Variants in CDC123 observed in about 807,000 individuals in gnomAD.
The protein encoded by CDC123 is translation initiation factor eIF2 assembly protein.
A neutral mutation model predicts 54.4 loss-of-function variants in CDC123; 37 were observed. The observed-to-expected ratio is 0.68, with a 90% CI of 0.52 to 0.89. CDC123 has a LOEUF of 0.89. CDC123 is among the 40% of genes least tolerant of loss of function. The pLI, the probability that CDC123 is intolerant of heterozygous loss-of-function variation, is 0.00. For missense variants in CDC123, 361 were observed against 412.1 expected, an observed-to-expected ratio of 0.88 and a Z score of 1.07; for synonymous variants, 144 against 136.8, an observed-to-expected ratio of 1.05 and a Z score of -0.37.
chr10:12,213,897 A>G (rs1408727180), intron 4 of CDC123, among the ~76,000 whole-genome samples: 1 of 152,232 alleles, frequency 6.6e-6, no homozygotes, highest in African/African-American at 2.4e-5. Context: ...CAGATGAGAT[A>G]GAAATTGCCT....
In CDC123 at chr10:12,237,271, G is replaced by A. The variant is rs369658888; in HGVS notation, c.688+5G>A. On this transcript the variant is annotated splice_donor_5th_base_variant and intron_variant, in intron 9 of 12. Transcript: ENST00000281141. Reference sequence around the variant, plus strand: ...ACAAATTCTTAGATGAAGACTGTGAGTATTTTTTTATTGATCCAGTAAAAT... The same window carrying A: ...ACAAATTCTTAGATGAAGACTGTGAATATTTTTTTATTGATCCAGTAAAAT... The A allele has an allele frequency of 6.5e-7, 1 of 1,532,854 alleles. No homozygotes were observed. The highest frequency in any genetic ancestry group is 8.7e-7 in the Non-Finnish European group (1 of 1,146,976). 95.0% of individuals were successfully genotyped at this position (1,532,854 alleles called of 1,614,324 possible).
At chr10:12,224,201 T>TA (rs570026616) in intron 6 of CDC123, among the ~76,000 whole-genome samples, 3,278 of 141,324 alleles carry the variant, frequency 0.023, 104 homozygotes, top group African/African-American at 0.076. Context: ...TTTTGTTCCT[T>TA]AAAAAAAAAA....
chr10:12,232,392 A>C (rs937494726), intron 7 of CDC123, among the ~76,000 whole-genome samples: 1 of 152,038 alleles, frequency 6.6e-6, no homozygotes, highest in African/African-American at 2.4e-5. Flanking sequence ...GTTTGCTTCT[A>C]GCTACTTTTT....
Position 12,210,020 on chromosome 10 carries a change from T to C in CDC123, c.200T>C (p.Ile67Thr), listed in dbSNP as rs1196969500. 6.2e-7 allele frequency: 1 copy of C among 1,613,928 alleles called. No homozygotes were observed. The highest frequency in any genetic ancestry group is 1.3e-5 in the African/African-American group (1 of 74,928). ...QPDSDDEAEE[I>T]QWSDDENTAT... ...GACAGTGATGATGAAGCAGAAGAAA[T>C]ACAGGTTGGTACCAAATAAAATAAT... Residue 67 changes from isoleucine (I) to threonine (T), a missense_variant, in exon 3 of 13, where the codon ATA (isoleucine) becomes ACA (threonine). Transcript: ENST00000281141.
At chr10:12,202,306 T>G (rs1028698280) in intron 2 of CDC123, among the ~76,000 whole-genome samples, 1 of 152,170 alleles carries the variant, frequency 6.6e-6, no homozygotes, top group Admixed American at 6.5e-5. Flanking sequence ...GAATTTCGTA[T>G]AAGTGGAGTT....
At position 12,198,790 on chromosome 10, in the gene CDC123, GAAA is replaced by G; in HGVS notation, c.146+19_146+21del. The G allele has an allele frequency of 6.9e-7, 1 of 1,451,170 alleles. No homozygotes were observed. 89.9% of individuals were successfully genotyped at this position (1,451,170 alleles called of 1,614,324 possible). ...GGTTTCAGGAAGGTAAAGTATTTTA[GAAA>G]AAAATTTCTTAAACTTTATCATAAA... is the stretch of plus-strand genomic sequence containing the variant. On this transcript the variant is annotated intron_variant, in intron 2 of 12. Coordinates refer to ENST00000281141, the MANE Select transcript of CDC123 (RefSeq NM_006023.3).
chr10:12,206,098 C>T (rs186398534), intron 2 of CDC123, among the ~76,000 whole-genome samples: 9 of 152,326 alleles, frequency 5.9e-5, no homozygotes, highest in Admixed American at 5.9e-4. Context: ...CCGTACTTGG[C>T]CAAACTTGCA....
At chr10:12,234,635 C>G (rs1002931093) in intron 7 of CDC123, among the ~76,000 whole-genome samples, 1 of 152,102 alleles carries the variant, frequency 6.6e-6, no homozygotes, top group African/African-American at 2.4e-5. Context: ...TGTCAGAACT[C>G]TCAAAATGGC....
chr10:12,247,675 C>T (rs2131773699), intron 11 of CDC123: 1 of 152,490 alleles, frequency 6.6e-6, no homozygotes, highest in Non-Finnish European at 1.5e-5. Context: ...TTTCTTCACC[C>T]AGCCACTCTC....
intron 2 of CDC123, among the ~76,000 whole-genome samples, chr10:12,206,733 C>A (rs184443584): frequency 2.0e-5 from 3 of 151,954 alleles, no homozygotes; most frequent in African/African-American, 7.3e-5. Flanking sequence ...CCAAGGAGGG[C>A]GGATCACAAG....
At chr10:12,202,063 A>G (rs1442589034) in intron 2 of CDC123, among the ~76,000 whole-genome samples, 1 of 152,178 alleles carries the variant, frequency 6.6e-6, no homozygotes, top group Non-Finnish European at 1.5e-5. Context: ...AGAATTTTGA[A>G]AAGTTAGTGA....
intron 6 of CDC123, among the ~76,000 whole-genome samples, chr10:12,230,606 C>T (rs952315141): frequency 1.3e-5 from 2 of 152,188 alleles, no homozygotes; most frequent in Admixed American, 6.5e-5. Context: ...ACAAATGATC[C>T]AGTTACACTC....
chr10:12,235,129 T>G lies in CDC123; in HGVS notation c.565+6T>G, dbSNP rs1325131842. 1 of 1,606,258 alleles carries G rather than the reference T, an allele frequency of 6.2e-7. No individual in the cohort carries two copies. The highest frequency in any genetic ancestry group is 8.5e-7 in the Non-Finnish European group (1 of 1,175,878). On this transcript the variant is annotated splice_donor_region_variant and intron_variant, in intron 8 of 12. Coordinates refer to ENST00000281141, the MANE Select transcript of CDC123 (RefSeq NM_006023.3). ...CAAGGAAAACAAGCTTATTGGTGAG[T>G]TTTTGTTTGTTTGTTTGTTTTATCC...
In CDC123 at chr10:12,198,043, G is replaced by C. The variant is rs546941585; in HGVS notation, c.75-662G>C. 1.9e-4 allele frequency among the ~76,000 whole-genome samples: 29 copies of C among 152,230 alleles called. 1 individual carries two copies. In the South Asian group the frequency reaches 6.0e-3, roughly 32 times the overall value. On this transcript the variant is annotated intron_variant, in intron 1 of 12. Coordinates refer to ENST00000281141, the MANE Select transcript of CDC123 (RefSeq NM_006023.3). ...TTAGGGATCTGTGGTAGGGCTTTTT[G>C]ATAATTTATTATTTCAAGGTAAAAA...
At chr10:12,203,690 A>G (rs1194511703) in intron 2 of CDC123, among the ~76,000 whole-genome samples, 1 of 152,198 alleles carries the variant, frequency 6.6e-6, no homozygotes, top group African/African-American at 2.4e-5. Context: ...GCTTGATACT[A>G]GCGTAACAAG....
At chr10:12,225,184 C>T (rs1473175524) in intron 6 of CDC123, among the ~76,000 whole-genome samples, 1 of 152,064 alleles carries the variant, frequency 6.6e-6, no homozygotes, top group African/African-American at 2.4e-5. Context: ...TACCTAAGGT[C>T]GGGAGTTTGA....
intron 6 of CDC123, among the ~76,000 whole-genome samples, chr10:12,229,277 G>T (rs1835868208): frequency 6.6e-6 from 1 of 152,214 alleles, no homozygotes; most frequent in African/African-American, 2.4e-5. Context: ...TAAATGGAAT[G>T]ATCTCCCTTG....
intron 6 of CDC123, among the ~76,000 whole-genome samples, chr10:12,227,780 G>A (rs890100802): frequency 8.5e-5 from 13 of 152,110 alleles, no homozygotes; most frequent in Non-Finnish European, 8.8e-5. Context: ...ACAGGCGTGA[G>A]TCACCGCACC....
intron 8 of CDC123, among the ~76,000 whole-genome samples, chr10:12,236,006 A>G (rs549510716): frequency 3.9e-5 from 6 of 152,330 alleles, no homozygotes; most frequent in Admixed American, 1.3e-4. Flanking sequence ...TGAAAAAAGG[A>G]ATGTTTACTT....
Sources: gnomAD v4.1 joint callset for allele counts (sites outside exome capture counted in the v4.1 genomes callset) on GRCh38, gnomAD v4.1.1 for gene constraint, MANE v1.5 for transcripts, NCBI Gene and HGNC (gene_info 2026-07-23, HGNC 2026-07-21) for gene names.